Variants in DTNA observed in about 807,000 individuals in gnomAD.
The protein encoded by DTNA is dystrophin-related protein 3.
Under a neutral mutation model 100.7 loss-of-function variants are expected in DTNA, and 43 were observed. The observed-to-expected ratio is 0.43, with a 90% confidence interval of 0.33 to 0.55. The LOEUF is 0.55. Ranked by LOEUF, DTNA falls within the 20% of genes least tolerant of loss-of-function variation. The probability of loss-of-function intolerance (pLI) is 0.04; values close to 1 mark genes in which losing one functional copy is unlikely to be tolerated. For missense variants in DTNA, 798 were observed against 953.9 expected (o/e 0.84, Z 2.15); for synonymous variants, 349 against 347.9 (o/e 1.00, Z -0.04).
intron 21 of DTNA, 42 bp downstream of exon 21, chr18:34,882,243 C>T (rs1330711942): frequency 1.2e-6 from 2 of 1,610,200 alleles, no homozygotes; most frequent in Non-Finnish European, 8.5e-7. Context: ...TCTTCTGCCT[C>T]AACCCCTTGG....
chr18:34,829,390 A>G lies in DTNA; in HGVS notation c.1086-10A>G. On this transcript the variant is annotated splice_polypyrimidine_tract_variant and intron_variant, in intron 10 of 22. Transcript: ENST00000444659. ...AGTTTTAATGAGGTCTCATTGTTTG[A>G]CTCCCTCAGGTTACCTGAGGGAATA... 6.5e-7 allele frequency: 1 copy of G among 1,534,392 alleles called. No homozygotes were observed. Among genetic ancestry groups the G allele is most frequent in the South Asian group, 1.2e-5 (1 of 83,982 alleles).
At chr18:34,839,559 T>C (rs1266699784) in intron 13 of DTNA, among the ~76,000 whole-genome samples, 1 of 152,222 alleles carries the variant, frequency 6.6e-6, no homozygotes, top group African/African-American at 2.4e-5. Context: ...GATTTGCAGC[T>C]TGAATTAAAG....
chr18:34,741,719 A>G (rs1466430333), intron 1 of DTNA, among the ~76,000 whole-genome samples: 8 of 152,170 alleles, frequency 5.3e-5, no homozygotes, highest in Admixed American at 3.9e-4. Flanking sequence ...TCAGATATGC[A>G]AGAAATATTC....
chr18:34,725,406 A>G (rs997634271), intron 1 of DTNA, among the ~76,000 whole-genome samples: 9 of 151,990 alleles, frequency 5.9e-5, no homozygotes, highest in African/African-American at 2.2e-4. Flanking sequence ...ACAAGAAAAA[A>G]AAAAAACAAC....
At chr18:34,702,339 C>G (rs1292976841) in intron 1 of DTNA, among the ~76,000 whole-genome samples, 1 of 152,190 alleles carries the variant, frequency 6.6e-6, no homozygotes, top group Non-Finnish European at 1.5e-5. Flanking sequence ...AAGCTGCGGC[C>G]AGCTCCCGAA....
At chr18:34,811,210 A>G (rs984653159) in intron 5 of DTNA, among the ~76,000 whole-genome samples, 2 of 152,212 alleles carry the variant, frequency 1.3e-5, no homozygotes, top group Non-Finnish European at 2.9e-5. Context: ...ATTAATATTC[A>G]TTAAATGCAC....
intron 9 of DTNA, among the ~76,000 whole-genome samples, chr18:34,823,303 A>G (rs2095772190): frequency 6.6e-6 from 1 of 152,256 alleles, no homozygotes; most frequent in East Asian, 1.9e-4. Context: ...ATTAATGAAT[A>G]TTCACACTTC....
At chr18:34,821,258 T>C in intron 9 of DTNA, 1 of 448,510 alleles carries the variant, frequency 2.2e-6, no homozygotes, top group South Asian at 1.8e-5. Context: ...ATATTATTCC[T>C]TAATTTCATA....
intron 2 of DTNA, among the ~76,000 whole-genome samples, chr18:34,761,511 A>G (rs1338775894): frequency 6.6e-6 from 1 of 152,096 alleles, no homozygotes; most frequent in Non-Finnish European, 1.5e-5. Context: ...AGAGAGGGAG[A>G]GAGAGGGAAG....
chr18:34,826,939 T>C (rs957009518), intron 9 of DTNA, among the ~76,000 whole-genome samples: 9 of 152,000 alleles, frequency 5.9e-5, no homozygotes, highest in Middle Eastern at 3.2e-3. Flanking sequence ...CTGAGGAAAA[T>C]TGAATTCTGT....
At chr18:34,517,922 G>T (rs1482203423) in intron 1 of DTNA, among the ~76,000 whole-genome samples, 3 of 152,036 alleles carry the variant, frequency 2.0e-5, no homozygotes, top group Non-Finnish European at 4.4e-5. Context: ...CTGTGAATAG[G>T]TTTGTGTGAA....
At chr18:34,559,385 A>G (rs1399300497) in intron 1 of DTNA, among the ~76,000 whole-genome samples, 1 of 152,228 alleles carries the variant, frequency 6.6e-6, no homozygotes, top group Non-Finnish European at 1.5e-5. Context: ...TTCCAAAAAT[A>G]CTGAATGGGC....
intron 1 of DTNA, among the ~76,000 whole-genome samples, chr18:34,691,605 G>A (rs2079772955): frequency 2.0e-5 from 3 of 152,164 alleles, no homozygotes; most frequent in South Asian, 2.1e-4. Flanking sequence ...GTATTCCTTA[G>A]CATGTCATAA....
At chr18:34,672,395 C>T (rs529013122) in intron 1 of DTNA, among the ~76,000 whole-genome samples, 4 of 152,134 alleles carry the variant, frequency 2.6e-5, no homozygotes, top group South Asian at 4.2e-4. Context: ...ATAATCACTC[C>T]CTTTAAAAGT....
chr18:34,863,071 T>C (rs542289689), intron 16 of DTNA, among the ~76,000 whole-genome samples: 2 of 152,356 alleles, frequency 1.3e-5, no homozygotes, highest in East Asian at 1.9e-4. Context: ...ACAGAAATCT[T>C]TGGGGCAATG....
At chr18:34,833,871 A>G (rs2096072759) in intron 11 of DTNA, among the ~76,000 whole-genome samples, 1 of 152,210 alleles carries the variant, frequency 6.6e-6, no homozygotes, top group African/African-American at 2.4e-5. Flanking sequence ...AAGACAAGGC[A>G]TGTAGAACAG....
intron 1 of DTNA, among the ~76,000 whole-genome samples, chr18:34,498,442 T>TATAATAATA (rs58997432): frequency 0.041 from 5,806 of 141,754 alleles, 145 homozygotes; most frequent in South Asian, 0.061. Flanking sequence ...CAGAAAATAA[T>TATAATAATA]ATAATAATAA....
chr18:34,781,086 C>T (rs1160914152), intron 3 of DTNA, among the ~76,000 whole-genome samples: 2 of 152,192 alleles, frequency 1.3e-5, no homozygotes, highest in Admixed American at 6.5e-5. Flanking sequence ...CTGCATCAAC[C>T]TGGTTAAAAT....
At chr18:34,731,339 C>T (rs1442745968) in intron 1 of DTNA, among the ~76,000 whole-genome samples, 15 of 151,852 alleles carry the variant, frequency 9.9e-5, no homozygotes, top group Non-Finnish European at 1.8e-4. Context: ...ATTAGCCGGG[C>T]GCGGTGGCGG....
Sources: gnomAD v4.1 joint callset for allele counts (sites outside exome capture counted in the v4.1 genomes callset) on GRCh38, gnomAD v4.1.1 for gene constraint, MANE v1.5 for transcripts, NCBI Gene and HGNC (gene_info 2026-07-23, HGNC 2026-07-21) for gene names.